KHDRBS3: variants seen among roughly 807,000 people sequenced by gnomAD.
KHDRBS3 encodes KH RNA binding domain containing, signal transduction associated 3.
Under a neutral mutation model 45.6 loss-of-function variants are expected in KHDRBS3, and 23 were observed. The ratio of observed to expected loss-of-function variants is 0.50; its 90% CI spans 0.36 to 0.72. The LOEUF (loss-of-function observed/expected upper bound fraction) is 0.72. Ranked by LOEUF, KHDRBS3 falls within the 30% of genes least tolerant of loss-of-function variation. KHDRBS3 has a pLI of 0.00. For missense variants in KHDRBS3, 352 were observed against 424.8 expected, an observed-to-expected ratio of 0.83 and a Z score of 1.51; for synonymous variants, 162 against 156.5, an observed-to-expected ratio of 1.04 and a Z score of -0.26.
intron 7 of KHDRBS3, among the ~76,000 whole-genome samples, chr8:135,612,938 C>CT (rs1273175120): frequency 5.9e-5 from 9 of 151,670 alleles, no homozygotes; most frequent in Admixed American, 4.6e-4. Flanking sequence ...TTTCTTTTTA[C>CT]TTTTTTTACA....
rs370830960 is a variant in KHDRBS3 at position 135,519,256 on chromosome 8, C to A, written c.89-1981C>A. 7.9e-5 allele frequency among the ~76,000 whole-genome samples: 12 copies of A among 152,178 alleles called. 1 individual carries two copies. In the East Asian group the frequency reaches 1.7e-3, roughly 22 times the overall value. On this transcript the variant is annotated intron_variant, in intron 1 of 8. Coordinates refer to ENST00000355849, the MANE Select transcript of KHDRBS3 (RefSeq NM_006558.3). ...ATTGTATAGTGTTTTCAGACACTTA[C>A]CAATTCTTTGATGCCAGCTGTGTAT...
chr8:135,501,018 GA>G (rs1436395465), intron 1 of KHDRBS3, among the ~76,000 whole-genome samples: 1 of 152,060 alleles, frequency 6.6e-6, no homozygotes, highest in Non-Finnish European at 1.5e-5. Flanking sequence ...ACTTGATAGG[GA>G]AAAAAATGAC....
At chr8:135,541,820 GTGTC>G (rs1379050782) in intron 2 of KHDRBS3, 4 of 152,132 alleles carry the variant, frequency 2.6e-5, no homozygotes, top group African/African-American at 7.2e-5. Context: ...TATGTATTGA[GTGTC>G]TGTTATCTGG....
chr8:135,485,845 TA>T (rs1822832589), intron 1 of KHDRBS3, among the ~76,000 whole-genome samples: 2 of 92,176 alleles, frequency 2.2e-5, no homozygotes, highest in Non-Finnish European at 2.6e-5. Flanking sequence ...TTCAAGTTTA[TA>T]TATATATATA....
Position 135,548,744 on chromosome 8 carries a change from C to CT in KHDRBS3, c.325-5dup. 6.9e-7 allele frequency: 1 copy of CT among 1,448,022 alleles called. No individual in the cohort carries two copies. Among genetic ancestry groups the CT allele is most frequent in the Non-Finnish European group, 9.1e-7 (1 of 1,095,564 alleles). 89.7% of individuals were successfully genotyped at this position (1,448,022 alleles called of 1,614,324 possible). A position where few individuals can be genotyped will look rare whatever the true frequency, so the allele number is the denominator to read the frequency against. On this transcript the variant is annotated splice_polypyrimidine_tract_variant and intron_variant, in intron 3 of 8. Coordinates refer to ENST00000355849, the MANE Select transcript of KHDRBS3 (RefSeq NM_006558.3). ...GTTTTTAAATGTGATTTCTTTTTTC[C>CT]TTTTTCCAGGAAGAAGAGTTGAGGA...
chr8:135,613,929 T>C (rs1341734940), intron 7 of KHDRBS3, among the ~76,000 whole-genome samples: 1 of 151,774 alleles, frequency 6.6e-6, no homozygotes, highest in African/African-American at 2.4e-5. Flanking sequence ...AGTTTATCTT[T>C]GGAGGTTTTA....
intron 1 of KHDRBS3, among the ~76,000 whole-genome samples, chr8:135,512,075 A>T (rs960118504): frequency 7.9e-5 from 12 of 152,100 alleles, no homozygotes; most frequent in African/African-American, 2.9e-4. Flanking sequence ...GGGTAGTTAT[A>T]GTGTGTTCAA....
chr8:135,654,612 A>C (rs1382959015), intron 4 of KHDRBS3, among the ~76,000 whole-genome samples: 2 of 152,166 alleles, frequency 1.3e-5, no homozygotes, highest in South Asian at 2.1e-4. Flanking sequence ...CCTCCTGGAC[A>C]CTCGTCTGTG....
chr8:135,548,323 A>G (rs1826410723), intron 3 of KHDRBS3, among the ~76,000 whole-genome samples: 3 of 152,238 alleles, frequency 2.0e-5, no homozygotes. Context: ...AGATAGTGAT[A>G]AGTGCCTTGT....
intron 1 of KHDRBS3, among the ~76,000 whole-genome samples, chr8:135,468,199 A>G (rs1003066119): frequency 2.6e-5 from 4 of 152,214 alleles, no homozygotes; most frequent in African/African-American, 9.7e-5. Flanking sequence ...TCCTGGGTCC[A>G]TTTGAGAGGA....
At chr8:135,460,820 A>G (rs1821391930) in intron 1 of KHDRBS3, among the ~76,000 whole-genome samples, 1 of 152,238 alleles carries the variant, frequency 6.6e-6, no homozygotes. Flanking sequence ...TAGTTTAATA[A>G]TCAATGCATT....
At chr8:135,607,185 T>C in intron 7 of KHDRBS3, 148 bp downstream of exon 7, 1 of 542,078 alleles carries the variant, frequency 1.8e-6, no homozygotes, top group Non-Finnish European at 3.3e-6. Context: ...GCCCTGTCTG[T>C]TCTAGCAACC....
At chr8:135,548,503 C>T (rs1458295287) in intron 3 of KHDRBS3, among the ~76,000 whole-genome samples, 1 of 152,078 alleles carries the variant, frequency 6.6e-6, no homozygotes, top group Admixed American at 6.6e-5. Context: ...GGGGCTCCTA[C>T]AAGTCAGCGT....
At chr8:135,623,051 G>C (rs1299707891) in intron 7 of KHDRBS3, among the ~76,000 whole-genome samples, 1 of 152,070 alleles carries the variant, frequency 6.6e-6, no homozygotes, top group South Asian at 2.1e-4. Flanking sequence ...CATGTCCCCA[G>C]TATTTCAACC....
rs112329930 is a variant in KHDRBS3, at chr8:135,600,618, C to T, written c.808-6337C>T. On this transcript the variant is annotated intron_variant, in intron 6 of 8. Transcript: ENST00000355849. ...CTGCACTGCCTTGCTCACAAGTGCACGGTCTGATTTTTAAAGTGCAAGAAA... is the reference window on the plus strand; with the variant it reads ...CTGCACTGCCTTGCTCACAAGTGCATGGTCTGATTTTTAAAGTGCAAGAAA... 4.2e-3 allele frequency among the ~76,000 whole-genome samples: 647 copies of T among 152,260 alleles called. 12 individuals carry two copies. Among genetic ancestry groups the T allele is most frequent in the African/African-American group, 0.014 (588 of 41,550 alleles).
chr8:135,497,127 T>C (rs1823491582), intron 1 of KHDRBS3, among the ~76,000 whole-genome samples: 1 of 152,028 alleles, frequency 6.6e-6, no homozygotes, highest in Non-Finnish European at 1.5e-5. Context: ...GGGACCATCG[T>C]CGTCATTTGA....
chr8:135,463,220 A>AG (rs1473377400), intron 1 of KHDRBS3, among the ~76,000 whole-genome samples: 1 of 152,168 alleles, frequency 6.6e-6, no homozygotes, highest in Non-Finnish European at 1.5e-5. Flanking sequence ...GTCTGAGCAC[A>AG]GGGCCCTTGG....
In KHDRBS3 at chr8:135,647,264, A is replaced by G. The variant is rs1430890059; in HGVS notation, c.*180A>G. 8 of 384,100 alleles carry G rather than the reference A, an allele frequency of 2.1e-5. No homozygotes were observed. The East Asian group carries it at 2.3e-4, about 11-fold the overall frequency. 23.8% of individuals were successfully genotyped at this position (384,100 alleles called of 1,614,324 possible). On this transcript the variant is annotated 3_prime_UTR_variant, in exon 9 of 9. Coordinates refer to ENST00000355849, the MANE Select transcript of KHDRBS3 (RefSeq NM_006558.3). ...TGGGCAGAAAAAAAAAAAAAAAGACATGTAAAATTTTGTTATTTCCAGTCT... is the reference window on the plus strand; with the variant it reads ...TGGGCAGAAAAAAAAAAAAAAAGACGTGTAAAATTTTGTTATTTCCAGTCT...
chr8:135,489,630 A>T (rs1823038476), intron 1 of KHDRBS3, among the ~76,000 whole-genome samples: 1 of 152,110 alleles, frequency 6.6e-6, no homozygotes, highest in Non-Finnish European at 1.5e-5. Flanking sequence ...GTGACCCGAG[A>T]TTGCGCCACT....
Sources: allele counts gnomAD v4.1 joint callset (sites outside exome capture counted in the v4.1 genomes callset), GRCh38; gene constraint gnomAD v4.1.1; transcripts MANE v1.5; gene names NCBI Gene and HGNC (gene_info 2026-07-23, HGNC 2026-07-21).